Variants in IAPP observed in about 807,000 individuals in gnomAD.
IAPP encodes the protein Islet amyloid polypeptide (diabetes-associated peptide; amylin).
IAPP carries 4 observed loss-of-function variants against 2.9 expected under a neutral mutation model. The ratio of observed to expected loss-of-function variants is 1.39; its 90% confidence interval spans 0.69 to 3.19. IAPP has a LOEUF of 3.19. Among genes scored for constraint, IAPP ranks in the 30% most tolerant of loss-of-function variants. The pLI, the probability that IAPP is intolerant of heterozygous loss-of-function variation, is 0.01. For missense variants in IAPP, 114 were observed against 105.3 expected (o/e 1.08, Z -0.36); for synonymous variants, 40 against 42.1 (o/e 0.95, Z 0.19).
Position 21,379,261 on chromosome 12 carries a change from G to A in IAPP, c.*835G>A, listed in dbSNP as rs1232201804. 6.6e-6 allele frequency: 1 copy of A among 152,130 alleles called. No homozygotes were observed. The highest frequency in any genetic ancestry group is 2.4e-5 in the African/African-American group (1 of 41,420). 9.4% of individuals were successfully genotyped at this position (152,130 alleles called of 1,614,324 possible). ...TATTTTTTAAAGTCTATTGTTTGTT[G>A]TGCTTGCTGGTACTAAGAGGCTATT... On this transcript the variant is annotated 3_prime_UTR_variant, in exon 3 of 3. Transcript: ENST00000240652.
chr12:21,378,324 T>G lies in IAPP; in HGVS notation c.168T>G (p.Phe56Leu), dbSNP rs144465370. 8.1e-6 allele frequency: 13 copies of G among 1,614,090 alleles called. No individual in the cohort carries two copies. In the South Asian group the frequency reaches 1.4e-4, roughly 18 times the overall value. ...TTTTAGTTCATTCCAGCAACAACTT[T>G]GGTGCCATTCTCTCATCTACCAACG... Reference protein sequence around the residue: ...ANFLVHSSNNFGAILSSTNVG... With the variant: ...ANFLVHSSNNLGAILSSTNVG... The change falls in exon 3 of 3, where the codon TTT (phenylalanine) becomes TTG (leucine). Residue 56 changes from phenylalanine (F) to leucine (L), a missense_variant. Coordinates refer to ENST00000240652, the MANE Select transcript of IAPP (RefSeq NM_000415.3).
upstream of IAPP, among the ~76,000 whole-genome samples, chr12:21,369,699 T>C (rs1313648633): frequency 1.3e-5 from 2 of 152,104 alleles, no homozygotes; most frequent in East Asian, 1.9e-4. Flanking sequence ...TTTGATAGAG[T>C]GGATCCAAGG....
At chr12:21,365,551 A>G (rs1347807020) in intron 1 of IAPP, among the ~76,000 whole-genome samples, 1 of 152,136 alleles carries the variant, frequency 6.6e-6, no homozygotes, top group East Asian at 1.9e-4. Flanking sequence ...ACAAATGGGA[A>G]CTAATTGAAC....
At chr12:21,373,468 TGTAAAG>T (rs1939951043) in intron 2 of IAPP, 37 bp downstream of exon 2, 1 of 1,402,738 alleles carries the variant, frequency 7.1e-7, no homozygotes. Context: ...TTGTAACTTT[TGTAAAG>T]TGTGAGAAAA....
In IAPP at chr12:21,378,383, T is replaced by A. The variant is rs1940365043; in HGVS notation, c.227T>A (p.Val76Glu). Residue 76 changes from valine to glutamate, a missense_variant, in exon 3 of 3, where the codon GTA (valine) becomes GAA (glutamate). By Grantham distance (121) the Val-to-Glu change is moderately radical. Coordinates refer to ENST00000240652, the MANE Select transcript of IAPP (RefSeq NM_000415.3). ...AATACATATGGCAAGAGGAATGCAG[T>A]AGAGGTTTTAAAGAGAGAGCCACTG... ...GSNTYGKRNA[V>E]EVLKREPLNY... is the part of the protein sequence containing the mutation. The A allele has an allele frequency of 2.5e-6, 4 of 1,614,074 alleles. No individual in the cohort carries two copies. Among genetic ancestry groups the A allele is most frequent in the Non-Finnish European group, 1.7e-6 (2 of 1,179,926 alleles).
chr12:21,357,321 G>T (rs953122589), intron 1 of IAPP, among the ~76,000 whole-genome samples: 1 of 152,152 alleles, frequency 6.6e-6, no homozygotes, highest in East Asian at 1.9e-4. Context: ...AATGCCTCAT[G>T]GGAATGAAGA....
At chr12:21,360,891 C>T (rs1443686197) in intron 1 of IAPP, among the ~76,000 whole-genome samples, 2 of 152,122 alleles carry the variant, frequency 1.3e-5, no homozygotes, top group Non-Finnish European at 2.9e-5. Flanking sequence ...CAGCTAGGAA[C>T]TCGAACTCGG....
rs62871062 is a variant in IAPP at position 21,373,417 on chromosome 12, T to C, written c.66T>C (p.Ala22=). Residue 22 remains alanine (A), a synonymous_variant, in exon 2 of 3, where the codon GCT becomes GCC. Transcript: ENST00000240652. ...CTGTTGCATTGAACCATCTGAAAGC[T>C]ACACCCATTGAAAGGTTGGTAACTT... The part of the protein sequence containing the change: ...VLSVALNHLK[A]TPIESHQVEK... 55 of 1,612,240 alleles carry C rather than the reference T, an allele frequency of 3.4e-5. No homozygotes were observed. Among genetic ancestry groups the C allele is most frequent in the Non-Finnish European group, 4.3e-5 (51 of 1,178,394 alleles).
intron 1 of IAPP, among the ~76,000 whole-genome samples, chr12:21,362,800 G>T (rs1219472439): frequency 6.6e-6 from 1 of 152,164 alleles, no homozygotes. Context: ...AAGAGACAAG[G>T]CCATTACATA....
At position 21,373,407 on chromosome 12, in the gene IAPP, A is replaced by C. The variant is rs1279799238; in HGVS notation, c.56A>C (p.His19Pro). ...FLIVLSVALN[H>P]LKATPIESHQ... ...ATTGTGCTCTCTGTTGCATTGAACC[A>C]TCTGAAAGCTACACCCATTGAAAGG... is the stretch of plus-strand genomic sequence containing the variant. Residue 19 changes from histidine (H) to proline (P), a missense_variant, in exon 2 of 3, where the codon CAT (histidine) becomes CCT (proline). Coordinates refer to ENST00000240652, the MANE Select transcript of IAPP (RefSeq NM_000415.3). The C allele has an allele frequency of 6.2e-7, 1 of 1,613,222 alleles. No homozygotes were observed. The highest frequency in any genetic ancestry group is 1.1e-5 in the South Asian group (1 of 91,064).
In IAPP at chr12:21,379,300, C is replaced by A. The variant is rs768431270; in HGVS notation, c.*874C>A. On this transcript the variant is annotated 3_prime_UTR_variant, in exon 3 of 3. Coordinates refer to ENST00000240652, the MANE Select transcript of IAPP (RefSeq NM_000415.3). ...TAAGAGGCTATTTAAAAGTATAAAA[C>A]TGCTTTGTATCCATGAGGGTTTCAT... 6.6e-6 allele frequency: 1 copy of A among 152,194 alleles called. No homozygotes were observed. The highest frequency in any genetic ancestry group is 1.5e-5 in the Non-Finnish European group (1 of 68,030). The allele number at this position is 152,194 out of a possible 1,614,324, so 9.4% of individuals were successfully genotyped here. A position where few individuals can be genotyped will look rare whatever the true frequency, so the allele number is the denominator to read the frequency against.
In IAPP at chr12:21,378,393, A is replaced by C; in HGVS notation, c.237A>C (p.Leu79Phe). The C allele has an allele frequency of 6.2e-7, 1 of 1,614,168 alleles. No homozygotes were observed. The highest frequency in any genetic ancestry group is 8.5e-7 in the Non-Finnish European group (1 of 1,179,970). Residue 79 changes from leucine (L) to phenylalanine (F), a missense_variant, in exon 3 of 3, where the codon TTA becomes TTC. Leu to Phe is a conservative substitution (Grantham distance 22). Coordinates refer to ENST00000240652, the MANE Select transcript of IAPP (RefSeq NM_000415.3). ...GCAAGAGGAATGCAGTAGAGGTTTT[A>C]AAGAGAGAGCCACTGAATTACTTGC... ...TYGKRNAVEVLKREPLNYLPL is the reference protein window; with the variant it reads ...TYGKRNAVEVFKREPLNYLPL
At chr12:21,364,081 AG>A (rs1419548599) in intron 1 of IAPP, among the ~76,000 whole-genome samples, 1 of 152,184 alleles carries the variant, frequency 6.6e-6, no homozygotes, top group Non-Finnish European at 1.5e-5. Context: ...AAAGCCTGGC[AG>A]AAACACAACA....
intron 1 of IAPP, among the ~76,000 whole-genome samples, chr12:21,358,516 A>G (rs1211743064): frequency 2.6e-5 from 4 of 152,306 alleles, no homozygotes; most frequent in South Asian, 2.1e-4. Flanking sequence ...TAACACAAAA[A>G]GTATTATAAT....
At chr12:21,360,827 C>T (rs1938795907) in intron 1 of IAPP, among the ~76,000 whole-genome samples, 1 of 152,186 alleles carries the variant, frequency 6.6e-6, no homozygotes, top group Admixed American at 6.5e-5. Context: ...AAGGCAGCAG[C>T]AAGGCTGGGG....
chr12:21,379,759 T>A lies in IAPP; in HGVS notation c.*1333T>A, dbSNP rs988449106. 3.9e-5 allele frequency: 6 copies of A among 152,128 alleles called. No homozygotes were observed. Among genetic ancestry groups the A allele is most frequent in the Admixed American group, 6.5e-5 (1 of 15,272 alleles). 9.4% of individuals were successfully genotyped at this position (152,128 alleles called of 1,614,324 possible). A position where few individuals can be genotyped will look rare whatever the true frequency, so the allele number is the denominator to read the frequency against. On this transcript the variant is annotated 3_prime_UTR_variant, in exon 3 of 3. Coordinates refer to ENST00000240652, the MANE Select transcript of IAPP (RefSeq NM_000415.3). ...TGTACTTTTAAAAAAATAGAAAAAA[T>A]AAGCATTTCAATCTAAGTGGAAATT... is the stretch of plus-strand genomic sequence containing the variant.
intron 2 of IAPP, chr12:21,374,476 G>C (rs972643928): frequency 8.6e-5 from 13 of 152,034 alleles, no homozygotes; most frequent in African/African-American, 2.9e-4. Flanking sequence ...TTTCCTTCGA[G>C]GTAGTTTTTC....
upstream of IAPP, among the ~76,000 whole-genome samples, chr12:21,371,859 A>G (rs1939819401): frequency 6.6e-6 from 1 of 151,950 alleles, no homozygotes; most frequent in African/African-American, 2.4e-5. Flanking sequence ...AAAATTAGCC[A>G]TACATGGTGA....
At position 21,378,584 on chromosome 12, in the gene IAPP, C is replaced by T; in HGVS notation, c.*158C>T. 1 of 603,230 alleles carries T rather than the reference C, an allele frequency of 1.7e-6. No homozygotes were observed. The highest frequency in any genetic ancestry group is 2.8e-5 in the Admixed American group (1 of 35,660). 37.4% of individuals were successfully genotyped at this position (603,230 alleles called of 1,614,324 possible). On this transcript the variant is annotated 3_prime_UTR_variant, in exon 3 of 3. Coordinates refer to ENST00000240652, the MANE Select transcript of IAPP (RefSeq NM_000415.3). ...TCAAAAGATTGTTTTATATGTAGTA[C>T]TAACTAAGGTCCCATAATAAAAAGA...
Sources: gnomAD v4.1 joint callset for allele counts (sites outside exome capture counted in the v4.1 genomes callset) on GRCh38, gnomAD v4.1.1 for gene constraint, MANE v1.5 for transcripts, NCBI Gene and HGNC (gene_info 2026-07-23, HGNC 2026-07-21) for gene names.